The following SEC13 variants were observed in gnomAD, a reference collection of about 807,000 sequenced individuals.
SEC13 encodes SEC13 homolog, nuclear pore and COPII component, also known as protein SEC13 homolog.
SEC13 carries 25 observed loss-of-function variants against 49.2 expected under a neutral mutation model. That is an observed-to-expected ratio of 0.51 (90% CI 0.37 to 0.71). The LOEUF is 0.71. Among genes scored for constraint, SEC13 ranks in the 30% least tolerant of loss-of-function variants. The probability of loss-of-function intolerance (pLI) is 0.00; values close to 1 mark genes in which losing one functional copy is unlikely to be tolerated. For missense variants in SEC13, 383 were observed against 417.6 expected (o/e 0.92, Z 0.72); for synonymous variants, 148 against 163.9 (o/e 0.90, Z 0.74).
chr3:10,301,482 G>T, intron 8 of SEC13, 108 bp from the exon 9 acceptor site: 1 of 1,401,418 alleles, frequency 7.1e-7, no homozygotes. Context: ...GAGGCTTGTG[G>T]GTGAACAGAG....
At chr3:10,320,731 T>TG (rs1173915077) in intron 1 of SEC13, 7 of 1,217,520 alleles carry the variant, frequency 5.7e-6, no homozygotes, top group Non-Finnish European at 7.2e-6. Context: ...TTACGAACAA[T>TG]GCTGAGGGCT....
chr3:10,319,161 C>G (rs1214874380), intron 1 of SEC13: 1 of 1,611,540 alleles, frequency 6.2e-7, no homozygotes, highest in Admixed American at 1.7e-5. Context: ...TTCATCTTTT[C>G]CAGCACAAGC....
intron 1 of SEC13, among the ~76,000 whole-genome samples, chr3:10,318,822 C>A (rs1483502014): frequency 1.3e-5 from 2 of 152,212 alleles, no homozygotes; most frequent in Non-Finnish European, 2.9e-5. Context: ...CTTGAAGATT[C>A]TCAGACCCTC....
Position 10,305,136 on chromosome 3 carries a change from C to G in SEC13, c.605G>C (p.Trp202Ser). The change falls in exon 7 of 9, where the codon TGG (tryptophan) becomes TCG (serine). Residue 202 changes from tryptophan (W) to serine (S), a missense_variant. Coordinates refer to ENST00000350697, the MANE Select transcript of SEC13 (RefSeq NM_183352.3). The part of the protein sequence containing the change: ...KLWKEEEDGQ[W>S]KEEQKLEAHS... Reference sequence around the variant, plus strand: ...CGCTTCTAGCTTCTGCTCCTCCTTCCACTGGCCGTCCTCCTCCTCCCTAAC... The same window carrying G: ...CGCTTCTAGCTTCTGCTCCTCCTTCGACTGGCCGTCCTCCTCCTCCCTAAC... 1 of 1,613,268 alleles carries G rather than the reference C, an allele frequency of 6.2e-7. No homozygotes were observed. The highest frequency in any genetic ancestry group is 8.5e-7 in the Non-Finnish European group (1 of 1,179,544).
chr3:10,312,608 C>G lies in SEC13; in HGVS notation c.287G>C (p.Ser96Thr), dbSNP rs201127586. 3.6e-5 allele frequency: 58 copies of G among 1,614,180 alleles called. No individual in the cohort carries two copies. The highest frequency in any genetic ancestry group is 4.7e-5 in the Non-Finnish European group (55 of 1,180,036). The change falls in exon 4 of 9, where the codon AGC (serine) becomes ACC (threonine). Residue 96 changes from serine (S) to threonine (T), a missense_variant. Ser to Thr is a moderately conservative substitution (Grantham distance 58). Coordinates refer to ENST00000350697, the MANE Select transcript of SEC13 (RefSeq NM_183352.3). ...GGAGTCGTGTCCCGCATGCTCGTGG[C>G]TCTTCTCCCAGGTGCCGTTTTCCTC... is the stretch of plus-strand genomic sequence containing the variant. ...WREENGTWEK[S>T]HEHAGHDSSV...
At chr3:10,305,241 T>G in intron 6 of SEC13, 85 bp from the exon 7 acceptor site, 1 of 1,494,868 alleles carries the variant, frequency 6.7e-7, no homozygotes, top group South Asian at 1.4e-5. Context: ...CTGCCTGGGG[T>G]GGAGAAGCGA....
chr3:10,304,018 G>A lies in SEC13; in HGVS notation c.855+8C>T, dbSNP rs368418547. 2 of 1,613,868 alleles carry A rather than the reference G, an allele frequency of 1.2e-6. No homozygotes were observed. The highest frequency in any genetic ancestry group is 1.7e-6 in the Non-Finnish European group (2 of 1,180,008). On this transcript the variant is annotated splice_region_variant and intron_variant, in intron 8 of 8. Transcript: ENST00000350697. ...GTGTCCACCATGCCACGGGGAATGG[G>A]TATGTACCTTATTGTCTCCACCAGA...
intron 7 of SEC13, among the ~76,000 whole-genome samples, chr3:10,304,394 G>T (rs1457924834): frequency 6.6e-6 from 1 of 152,034 alleles, no homozygotes. Context: ...TTCGGAGGTG[G>T]ACTCTGTCTG....
intron 5 of SEC13, among the ~76,000 whole-genome samples, chr3:10,308,395 C>A (rs1162609197): frequency 6.6e-6 from 1 of 151,858 alleles, no homozygotes; most frequent in Non-Finnish European, 1.5e-5. Flanking sequence ...TAAGTCATTT[C>A]TTTTTATTGC....
chr3:10,301,149 T>G lies in SEC13; in HGVS notation c.*112A>C. The G allele has an allele frequency of 6.2e-7, 1 of 1,613,974 alleles. No individual in the cohort carries two copies. The highest frequency in any genetic ancestry group is 8.5e-7 in the Non-Finnish European group (1 of 1,179,880). ...CTGTGGCTGCATCTGTAACTCCTCC[T>G]GGGAAAATAATCCTGTTGGAGTTGG... On this transcript the variant is annotated 3_prime_UTR_variant, in exon 9 of 9. Coordinates refer to ENST00000350697, the MANE Select transcript of SEC13 (RefSeq NM_183352.3).
intron 3 of SEC13, among the ~76,000 whole-genome samples, chr3:10,314,287 C>G (rs778799391): frequency 1.3e-5 from 2 of 152,122 alleles, no homozygotes; most frequent in African/African-American, 2.4e-5. Context: ...AGCCTGTTAT[C>G]AAAATATTAT....
At chr3:10,303,223 A>C (rs1270980949) in intron 8 of SEC13, among the ~76,000 whole-genome samples, 4 of 152,232 alleles carry the variant, frequency 2.6e-5, no homozygotes, top group African/African-American at 4.8e-5. Context: ...CAAGGGAGAG[A>C]AGCAGCAAGG....
rs1287319091 is a variant in SEC13 at position 10,305,656 on chromosome 3, C to T, written c.487G>A (p.Val163Ile). The T allele has an allele frequency of 6.2e-7, 1 of 1,614,168 alleles. No homozygotes were observed. The highest frequency in any genetic ancestry group is 1.1e-5 in the South Asian group (1 of 91,076). The change falls in exon 6 of 9, where the codon GTA becomes ATA. Residue 163 changes from valine to isoleucine, a missense_variant. Transcript: ENST00000350697. ...GGGTGGTCTATGAGGCTTCCAGGTA[C>T]AACAGCAGGGGCCCAGCTGACGGCA... ...CNAVSWAPAV[V>I]PGSLIDHPSG...
At chr3:10,311,541 CTGATTCACCAAAAGTTGGGTAAAGAA>C in intron 5 of SEC13, 1 of 629,078 alleles carries the variant, frequency 1.6e-6, no homozygotes, top group African/African-American at 2.0e-5. Flanking sequence ...CTGTCACTCG[CTGATTCACCAAAAGTTGGGTAAAGAA>C]TGACCTTGTT....
Position 10,305,587 on chromosome 3 carries a change from C to T in SEC13, c.556G>A (p.Gly186Ser). 5 of 1,614,112 alleles carry T rather than the reference C, an allele frequency of 3.1e-6. No individual in the cohort carries two copies. Among genetic ancestry groups the T allele is most frequent in the Non-Finnish European group, 4.2e-6 (5 of 1,180,036 alleles). ...CACAGCTTGATGAGGTTGTCACAGC[C>T]ACCTGATGCAAACCTCTTGATGTAA... ...PNYIKRFASG[G>S]CDNLIKLWKE... Residue 186 changes from glycine (G) to serine (S), a missense_variant, in exon 6 of 9, where the codon GGC becomes AGC. Coordinates refer to ENST00000350697, the MANE Select transcript of SEC13 (RefSeq NM_183352.3).
chr3:10,312,768 C>T (rs370322139), intron 3 of SEC13, 38 bp from the exon 4 acceptor site: 4 of 1,609,872 alleles, frequency 2.5e-6, no homozygotes, highest in Non-Finnish European at 3.4e-6. Context: ...ACCCACAGTG[C>T]CTCTGCAGGC....
rs775248510 is a variant in SEC13, at chr3:10,312,750, C to G, written c.165-20G>C. 2 of 1,613,560 alleles carry G rather than the reference C, an allele frequency of 1.2e-6. No homozygotes were observed. Among genetic ancestry groups the G allele is most frequent in the Non-Finnish European group, 1.7e-6 (2 of 1,179,686 alleles). ...TCATGACTACAAAGGGAGAGATAGG[C>G]CAGAGGAACCCACAGTGCCTCTGCA... On this transcript the variant is annotated intron_variant, in intron 3 of 8. Coordinates refer to ENST00000350697, the MANE Select transcript of SEC13 (RefSeq NM_183352.3).
intron 8 of SEC13, 51 bp downstream of exon 8, chr3:10,303,975 G>A: frequency 6.2e-7 from 1 of 1,604,610 alleles, no homozygotes; most frequent in South Asian, 1.1e-5. Flanking sequence ...TAGTGGGCGG[G>A]GTGAAGACCA....
chr3:10,317,017 A>G (rs541989332), intron 2 of SEC13, among the ~76,000 whole-genome samples: 122 of 150,982 alleles, frequency 8.1e-4, no homozygotes, highest in African/African-American at 2.8e-3. Flanking sequence ...AAAAAAAAAA[A>G]AAAAAGAAAA....
Sources: gnomAD v4.1 joint callset for allele counts (sites outside exome capture counted in the v4.1 genomes callset) on GRCh38, gnomAD v4.1.1 for gene constraint, MANE v1.5 for transcripts, NCBI Gene and HGNC (gene_info 2026-07-23, HGNC 2026-07-21) for gene names.